ARSF: variants seen among roughly 807,000 people sequenced by gnomAD.
ARSF encodes arylsulfatase F.
In ARSF, 33 loss-of-function variants were observed where a neutral mutation model predicts 35.4. That is an observed-to-expected ratio of 0.93 (90% CI 0.71 to 1.25). The LOEUF (loss-of-function observed/expected upper bound fraction) is 1.25, where lower values mean the gene tolerates loss of function less well. ARSF is among the 50% of genes most tolerant of loss of function. The pLI is 0.00. For missense variants in ARSF, 501 were observed against 480.2 expected (o/e 1.04, Z -0.40); for synonymous variants, 222 against 193.1 (o/e 1.15, Z -1.24).
At chrX:3,090,882 A>G (rs1385758201) in intron 7 of ARSF, among the ~76,000 whole-genome samples, 1 of 109,118 alleles carries the variant, frequency 9.2e-6, no homozygotes, top group African/African-American at 3.3e-5. Flanking sequence ...GCTCTTGTGA[A>G]TAGTGCTGTG....
intron 8 of ARSF, among the ~76,000 whole-genome samples, chrX:3,101,741 T>G (rs935957666): frequency 1.5e-4 from 17 of 112,049 alleles, no homozygotes; most frequent in African/African-American, 5.5e-4. Flanking sequence ...CTGTAACATT[T>G]AGTCCACAAA....
chrX:3,108,432 T>C (rs1703813192), intron 9 of ARSF, among the ~76,000 whole-genome samples: 1 of 111,978 alleles, frequency 8.9e-6, no homozygotes, highest in Admixed American at 9.5e-5. Context: ...TCAATAAATA[T>C]AGTTCATTTC....
At chrX:3,093,912 T>C (rs2090320726) in intron 7 of ARSF, among the ~76,000 whole-genome samples, 1 of 112,000 alleles carries the variant, frequency 8.9e-6, no homozygotes, top group South Asian at 3.7e-4. Context: ...TCCTCTTTTA[T>C]TTTTTTGACT....
intron 3 of ARSF, among the ~76,000 whole-genome samples, chrX:3,073,085 A>G (rs1412648509): frequency 1.0e-5 from 1 of 100,037 alleles, no homozygotes; most frequent in Non-Finnish European, 2.0e-5. Context: ...ATATTTATAT[A>G]TTTTATAAAA....
At chrX:3,097,205 C>T (rs1334147785) in intron 7 of ARSF, among the ~76,000 whole-genome samples, 1 of 112,010 alleles carries the variant, frequency 8.9e-6, no homozygotes, top group African/African-American at 3.2e-5. Flanking sequence ...AAAACCATTA[C>T]CAATTCAATT....
intron 6 of ARSF, among the ~76,000 whole-genome samples, chrX:3,086,195 T>G (rs1323900576): frequency 9.0e-6 from 1 of 111,657 alleles, no homozygotes; most frequent in East Asian, 2.8e-4. Flanking sequence ...CACCAACCAC[T>G]CTGAAAGTAT....
At chrX:3,057,079 C>T (rs2090021530) in intron 1 of ARSF, among the ~76,000 whole-genome samples, 1 of 111,312 alleles carries the variant, frequency 9.0e-6, no homozygotes, top group Non-Finnish European at 1.9e-5. Flanking sequence ...GAGTCGGTTG[C>T]CCATCATTTG....
chrX:3,089,876 G>A (rs183519429), intron 7 of ARSF, among the ~76,000 whole-genome samples: 8 of 112,174 alleles, frequency 7.1e-5, no homozygotes, highest in South Asian at 3.7e-4. Context: ...ACTTGACTGC[G>A]TCTCCAGTGC....
chrX:3,100,638 C>A (rs892397864), intron 7 of ARSF, among the ~76,000 whole-genome samples: 17 of 111,230 alleles, frequency 1.5e-4, no homozygotes, highest in African/African-American at 5.6e-4. Flanking sequence ...CACTCTGTCA[C>A]CCAGGTTGGA....
At chrX:3,081,244 T>C (rs1243393708) in intron 5 of ARSF, among the ~76,000 whole-genome samples, 1 of 111,812 alleles carries the variant, frequency 8.9e-6, no homozygotes, top group Non-Finnish European at 1.9e-5. Context: ...TCTCTAAAAA[T>C]ATAAAATTAG....
At chrX:3,083,439 C>T (rs1378478645) in intron 5 of ARSF, among the ~76,000 whole-genome samples, 2 of 110,394 alleles carry the variant, frequency 1.8e-5, no homozygotes, top group East Asian at 5.7e-4. Flanking sequence ...ATCTATCCTC[C>T]GTCATTTATT....
chrX:3,094,016 A>G (rs952694320), intron 7 of ARSF, among the ~76,000 whole-genome samples: 11 of 112,081 alleles, frequency 9.8e-5, no homozygotes, highest in Non-Finnish European at 1.9e-5. Flanking sequence ...GTAATGACAA[A>G]GACCTCAATT....
intron 1 of ARSF, among the ~76,000 whole-genome samples, chrX:3,062,821 C>T (rs914550667): frequency 6.1e-4 from 68 of 111,233 alleles, no homozygotes; most frequent in Non-Finnish European, 1.2e-3. Flanking sequence ...AATAGCCTAC[C>T]AACCAAAAAA....
intron 1 of ARSF, among the ~76,000 whole-genome samples, chrX:3,047,477 C>A (rs375351745): frequency 7.1e-4 from 15 of 21,013 alleles, no homozygotes; most frequent in South Asian, 2.8e-3. Flanking sequence ...ACTCTGCCCA[C>A]CGATATGCTT....
chrX:3,073,269 C>T, intron 3 of ARSF, among the ~76,000 whole-genome samples: 1 of 98,028 alleles, frequency 1.0e-5, no homozygotes, highest in South Asian at 4.4e-4. Flanking sequence ...TCATAATAGG[C>T]TGTATGATAG....
chrX:3,065,228 T>G (rs1363678811), intron 1 of ARSF, among the ~76,000 whole-genome samples: 4 of 94,129 alleles, frequency 4.2e-5, no homozygotes, highest in Non-Finnish European at 8.0e-5. Context: ...AGGTGGTAAT[T>G]GAACAATGAG....
intron 2 of ARSF, among the ~76,000 whole-genome samples, chrX:3,069,114 G>A (rs1396278314): frequency 2.7e-5 from 3 of 111,390 alleles, no homozygotes; most frequent in Non-Finnish European, 3.8e-5. Flanking sequence ...TGAGAAGAGC[G>A]TCATGTGTTT....
chrX:3,091,334 A>C (rs2090288279), intron 7 of ARSF, among the ~76,000 whole-genome samples: 1 of 112,564 alleles, frequency 8.9e-6, no homozygotes, highest in Admixed American at 9.4e-5. Flanking sequence ...ATTAACTGGT[A>C]AGTCAGAATC....
At chrX:3,086,489 T>TAA (rs1491103983) in intron 6 of ARSF, among the ~76,000 whole-genome samples, 2 of 112,099 alleles carry the variant, frequency 1.8e-5, no homozygotes, top group Non-Finnish European at 3.8e-5. Flanking sequence ...TTATCTGGAT[T>TAA]CTCAGTGTAT....
Sources: gnomAD v4.1 joint callset for allele counts (sites outside exome capture counted in the v4.1 genomes callset) on GRCh38, gnomAD v4.1.1 for gene constraint, MANE v1.5 for transcripts, NCBI Gene and HGNC (gene_info 2026-07-23, HGNC 2026-07-21) for gene names.